Variants in CHL1 observed in about 807,000 individuals in gnomAD.
CHL1 encodes neural cell adhesion molecule L1-like protein.
A neutral mutation model predicts 141.9 loss-of-function variants in CHL1; 96 were observed. The observed-to-expected ratio is 0.68, with a 90% CI of 0.57 to 0.80. CHL1 has a LOEUF of 0.80. Ranked by LOEUF, CHL1 falls within the 30% of genes least tolerant of loss-of-function variation. The probability of loss-of-function intolerance (pLI) is 0.00; values close to 1 mark genes in which losing one functional copy is unlikely to be tolerated. For synonymous variants in CHL1, 613 were observed against 502.2 expected, an observed-to-expected ratio of 1.22 and a Z score of -2.95; for missense variants, 1,820 against 1,457.2, an observed-to-expected ratio of 1.25 and a Z score of -4.05.
chr3:322,672 T>TTATATATATA (rs1199118265), intron 3 of CHL1, among the ~76,000 whole-genome samples: 12 of 127,870 alleles, frequency 9.4e-5, no homozygotes, highest in African/African-American at 3.1e-4. Flanking sequence ...ATATATATAA[T>TTATATATATA]TATATATATA....
chr3:244,318 G>T (rs771770190), intron 1 of CHL1, among the ~76,000 whole-genome samples: 10 of 152,184 alleles, frequency 6.6e-5, no homozygotes, highest in East Asian at 1.9e-4. Flanking sequence ...TGCAAAATAC[G>T]TGAATTCATG....
chr3:319,075 C>T (rs545992092), intron 2 of CHL1, among the ~76,000 whole-genome samples: 1 of 151,122 alleles, frequency 6.6e-6, no homozygotes, highest in South Asian at 2.1e-4. Flanking sequence ...CCAAATACCA[C>T]ATGTTCTCAT....
Position 354,591 on chromosome 3 carries a change from C to T in CHL1, c.1034-49C>T, listed in dbSNP as rs568285032. ...AAATACAGGCCTTAACATTTTTGGA[C>T]TTTTTGACATAGATAACATCTCTCA... On this transcript the variant is annotated intron_variant, in intron 10 of 27. Coordinates refer to ENST00000256509, the MANE Select transcript of CHL1 (RefSeq NM_006614.4). 24 of 1,562,716 alleles carry T rather than the reference C, an allele frequency of 1.5e-5. No homozygotes were observed. In the African/African-American group the frequency reaches 2.9e-4, roughly 19 times the overall value.
At chr3:223,885 G>T (rs575130725) in intron 1 of CHL1, among the ~76,000 whole-genome samples, 1 of 152,188 alleles carries the variant, frequency 6.6e-6, no homozygotes, top group Admixed American at 6.5e-5. Flanking sequence ...CACTTCTTGG[G>T]TGGGAGCTCC....
chr3:304,617 T>A (rs465471), intron 2 of CHL1, among the ~76,000 whole-genome samples: 9,532 of 152,208 alleles, frequency 0.063, 1,016 homozygotes, highest in African/African-American at 0.22. Context: ...TGCATCTATT[T>A]GATTCTTCTC....
At chr3:205,883 A>T (rs1411571752) in intron 1 of CHL1, among the ~76,000 whole-genome samples, 1 of 152,218 alleles carries the variant, frequency 6.6e-6, no homozygotes, top group Non-Finnish European at 1.5e-5. Flanking sequence ...AAGCTGGGCG[A>T]TGCAGACACA....
At chr3:387,403 G>C (rs1425116437) in intron 19 of CHL1, among the ~76,000 whole-genome samples, 1 of 152,114 alleles carries the variant, frequency 6.6e-6, no homozygotes, top group Non-Finnish European at 1.5e-5. Flanking sequence ...AGATTATTTG[G>C]GAAATGTCTG....
At chr3:297,314 G>A (rs1698283256) in intron 2 of CHL1, among the ~76,000 whole-genome samples, 1 of 152,140 alleles carries the variant, frequency 6.6e-6, no homozygotes, top group Non-Finnish European at 1.5e-5. Context: ...TGCAAGAACA[G>A]GGAAAGAGAA....
At chr3:282,430 C>A (rs1164474864) in intron 2 of CHL1, among the ~76,000 whole-genome samples, 3 of 152,082 alleles carry the variant, frequency 2.0e-5, no homozygotes, top group Non-Finnish European at 4.4e-5. Flanking sequence ...TTTTCCTTTA[C>A]TAGTGTTCTT....
intron 12 of CHL1, among the ~76,000 whole-genome samples, chr3:361,294 T>G (rs1406142769): frequency 1.4e-5 from 2 of 147,044 alleles, no homozygotes; most frequent in Non-Finnish European, 3.0e-5. Flanking sequence ...GCATTACCAT[T>G]CAGGACATAG....
intron 2 of CHL1, chr3:247,137 G>A (rs1693247365): frequency 6.6e-6 from 1 of 151,838 alleles, no homozygotes; most frequent in African/African-American, 2.4e-5. Context: ...TCTCTTGGTG[G>A]TCTGTGAAGT....
At chr3:293,804 GA>G (rs1325530460) in intron 2 of CHL1, among the ~76,000 whole-genome samples, 1 of 140,810 alleles carries the variant, frequency 7.1e-6, no homozygotes, top group Non-Finnish European at 1.6e-5. Flanking sequence ...GGCTGGAGAA[GA>G]TTTTTTTTTT....
chr3:223,901 T>G (rs1034043525), intron 1 of CHL1, among the ~76,000 whole-genome samples: 7 of 152,164 alleles, frequency 4.6e-5, no homozygotes, highest in Non-Finnish European at 1.0e-4. Context: ...GCTCCAGGAC[T>G]GGTTGAATTA....
At chr3:221,157 T>C (rs1700805080) in intron 1 of CHL1, among the ~76,000 whole-genome samples, 1 of 152,232 alleles carries the variant, frequency 6.6e-6, no homozygotes, top group African/African-American at 2.4e-5. Flanking sequence ...ATGCATTTAT[T>C]GATGTCTTAT....
intron 1 of CHL1, among the ~76,000 whole-genome samples, chr3:201,169 G>A (rs1356325717): frequency 6.6e-6 from 1 of 152,216 alleles, no homozygotes; most frequent in Non-Finnish European, 1.5e-5. Flanking sequence ...ACAAAGTAGA[G>A]TAGAGCTGTG....
At chr3:295,130 G>A (rs1698073441) in intron 2 of CHL1, among the ~76,000 whole-genome samples, 1 of 151,816 alleles carries the variant, frequency 6.6e-6, no homozygotes, top group African/African-American at 2.4e-5. Flanking sequence ...GGTCGTTTCT[G>A]TTTGTAAGGC....
intron 5 of CHL1, among the ~76,000 whole-genome samples, chr3:338,591 TA>T (rs951365776): frequency 5.3e-5 from 8 of 152,306 alleles, no homozygotes; most frequent in African/African-American, 1.7e-4. Context: ...GGATAAGACA[TA>T]AAAAATTCCT....
At chr3:375,785 G>T (rs1245955196) in intron 15 of CHL1, among the ~76,000 whole-genome samples, 5 of 152,092 alleles carry the variant, frequency 3.3e-5, no homozygotes, top group African/African-American at 1.2e-4. Context: ...CAGATAAGAT[G>T]AATTAGGCTC....
chr3:303,441 A>G (rs1575008710), intron 2 of CHL1, among the ~76,000 whole-genome samples: 1 of 152,184 alleles, frequency 6.6e-6, no homozygotes, highest in Non-Finnish European at 1.5e-5. Context: ...GTTCTTGAAG[A>G]GGCCCTTCAC....
Sources: gnomAD v4.1 joint callset for allele counts (sites outside exome capture counted in the v4.1 genomes callset) on GRCh38, gnomAD v4.1.1 for gene constraint, MANE v1.5 for transcripts, NCBI Gene and HGNC (gene_info 2026-07-23, HGNC 2026-07-21) for gene names.